The following LRRTM4 variants were observed in gnomAD, a reference collection of about 807,000 sequenced individuals.
LRRTM4 encodes the protein leucine rich repeat transmembrane neuronal 4.
Under a neutral mutation model 47.6 loss-of-function variants are expected in LRRTM4, and 25 were observed. The ratio of observed to expected loss-of-function variants is 0.53; its 90% CI spans 0.38 to 0.73. LRRTM4 has a LOEUF of 0.73. Ranked by LOEUF, LRRTM4 falls within the 30% of genes least tolerant of loss-of-function variation. The probability of loss-of-function intolerance (pLI) is 0.00; values close to 1 mark genes in which losing one functional copy is unlikely to be tolerated. For synonymous variants in LRRTM4, 311 were observed against 269.5 expected, an observed-to-expected ratio of 1.15 and a Z score of -1.51; for missense variants, 638 against 713.4, an observed-to-expected ratio of 0.89 and a Z score of 1.20.
At chr2:76,992,846 G>C (rs1469208863) in intron 3 of LRRTM4, among the ~76,000 whole-genome samples, 31 of 106,894 alleles carry the variant, frequency 2.9e-4, no homozygotes, top group African/African-American at 9.4e-4. Context: ...AAAAAGCTGG[G>C]TGTATCATAT....
chr2:76,865,000 C>T (rs369404462), intron 3 of LRRTM4, among the ~76,000 whole-genome samples: 1 of 151,270 alleles, frequency 6.6e-6, no homozygotes, highest in African/African-American at 2.4e-5. Context: ...CCTCCCAAAT[C>T]TTGATTCTTA....
intron 3 of LRRTM4, among the ~76,000 whole-genome samples, chr2:77,413,670 G>C (rs1301559990): frequency 6.6e-6 from 1 of 152,026 alleles, no homozygotes; most frequent in East Asian, 1.9e-4. Flanking sequence ...TTGATGTTAA[G>C]AAGCAAAACA....
At chr2:76,896,326 C>T (rs553317379) in intron 3 of LRRTM4, among the ~76,000 whole-genome samples, 1 of 152,024 alleles carries the variant, frequency 6.6e-6, no homozygotes, top group East Asian at 1.9e-4. Context: ...ACTGTGCAAT[C>T]AGGGCCAAAA....
intron 3 of LRRTM4, among the ~76,000 whole-genome samples, chr2:77,126,352 G>A (rs1404211660): frequency 6.6e-6 from 1 of 152,020 alleles, no homozygotes; most frequent in African/African-American, 2.4e-5. Flanking sequence ...ATATATACAG[G>A]AATTTCATGT....
At chr2:76,809,917 A>G (rs1288390678) in intron 3 of LRRTM4, among the ~76,000 whole-genome samples, 1 of 152,048 alleles carries the variant, frequency 6.6e-6, no homozygotes, top group African/African-American at 2.4e-5. Context: ...TCCTCACTTT[A>G]TACAGTTCCT....
chr2:77,304,691 T>A (rs1285708764), intron 3 of LRRTM4, among the ~76,000 whole-genome samples: 1 of 152,168 alleles, frequency 6.6e-6, no homozygotes, highest in Non-Finnish European at 1.5e-5. Flanking sequence ...AACTAGCATG[T>A]ACTAAGCAAT....
intron 3 of LRRTM4, among the ~76,000 whole-genome samples, chr2:77,028,756 C>T (rs1261775715): frequency 1.3e-5 from 2 of 151,814 alleles, no homozygotes; most frequent in African/African-American, 4.8e-5. Context: ...CATTAGCAGG[C>T]CTGGCGCGGT....
At position 77,519,269 on chromosome 2, in the gene LRRTM4, T is replaced by C. The variant is rs778147566; in HGVS notation, c.600A>G (p.Ala200=). The C allele has an allele frequency of 1.9e-5, 31 of 1,613,262 alleles. No individual in the cohort carries two copies. The Middle Eastern group carries it at 4.9e-4, about 26-fold the overall frequency. ...CCTTTAACTTCAAGAGGCCAGCAAA[T>C]GCATTTCGGGACAAGCTTCGAAGAC... ...YNRLRSLSRN[A]FAGLLKLKEL... Residue 200 remains alanine, a synonymous_variant, in exon 3 of 4, where the codon GCA becomes GCG. Transcript: ENST00000409884. The surrounding 1 kb of genome is among the most constrained non-coding windows in gnomAD (Gnocchi z 4.6).
rs1676917890 is a variant in LRRTM4 at position 77,464,709 on chromosome 2, A to T, written c.1551+53609T>A. 2.0e-5 allele frequency among the ~76,000 whole-genome samples: 3 copies of T among 152,228 alleles called. No homozygotes were observed. The South Asian group carries it at 6.2e-4, about 32-fold the overall frequency. On this transcript the variant is annotated intron_variant, in intron 3 of 3. Coordinates refer to ENST00000409884, the MANE Select transcript of LRRTM4 (RefSeq NM_001134745.3). ...TCTGATATCATGTTGGATAACTAATATTAACTATCCATTCCTTGATAGGAT... is the reference window on the plus strand; with the variant it reads ...TCTGATATCATGTTGGATAACTAATTTTAACTATCCATTCCTTGATAGGAT...
intron 3 of LRRTM4, among the ~76,000 whole-genome samples, chr2:77,257,383 T>C (rs946376939): frequency 1.3e-5 from 2 of 151,880 alleles, no homozygotes; most frequent in Admixed American, 1.3e-4. Flanking sequence ...TTATAAAAAT[T>C]GCATTTTAAT....
intron 3 of LRRTM4, among the ~76,000 whole-genome samples, chr2:77,344,214 T>A (rs1393909146): frequency 1.3e-5 from 2 of 151,802 alleles, no homozygotes; most frequent in African/African-American, 4.8e-5. Context: ...AAAATCTTAT[T>A]TCATAATAAA....
intron 3 of LRRTM4, among the ~76,000 whole-genome samples, chr2:77,477,857 G>T (rs78101458): frequency 1.5e-5 from 1 of 64,734 alleles, no homozygotes; most frequent in Non-Finnish European, 3.3e-5. Flanking sequence ...AAAAAAAAAA[G>T]AAAGAGAGAG....
At chr2:77,354,954 C>CAGAGAG (rs1553433286) in intron 3 of LRRTM4, among the ~76,000 whole-genome samples, 2 of 151,620 alleles carry the variant, frequency 1.3e-5, no homozygotes, top group African/African-American at 2.4e-5. Context: ...TTTACATATA[C>CAGAGAG]ATAAAGATAG....
chr2:77,368,169 T>TC (rs1174689691), intron 3 of LRRTM4, among the ~76,000 whole-genome samples: 1 of 151,630 alleles, frequency 6.6e-6, no homozygotes, highest in African/African-American at 2.4e-5. Context: ...TCCTCTCTCA[T>TC]CCAGGAACAG....
intron 3 of LRRTM4, among the ~76,000 whole-genome samples, chr2:77,350,594 A>G (rs927704896): frequency 1.8e-4 from 28 of 152,124 alleles, no homozygotes; most frequent in Admixed American, 1.1e-3. Flanking sequence ...AAAACCATTT[A>G]TGGAAGTGCA....
At chr2:76,955,200 G>T (rs757791010) in intron 3 of LRRTM4, among the ~76,000 whole-genome samples, 1 of 151,780 alleles carries the variant, frequency 6.6e-6, no homozygotes, top group African/African-American at 2.4e-5. Flanking sequence ...TTCTGTAATG[G>T]TGATGTATAA....
intron 3 of LRRTM4, among the ~76,000 whole-genome samples, chr2:77,422,866 A>G (rs1372942294): frequency 1.3e-5 from 2 of 152,100 alleles, no homozygotes; most frequent in South Asian, 2.1e-4. Flanking sequence ...TCTTTATTGT[A>G]TGTTTTCAAA....
chr2:76,755,239 C>T (rs767005417), intron 3 of LRRTM4, among the ~76,000 whole-genome samples: 4 of 152,132 alleles, frequency 2.6e-5, no homozygotes, highest in Non-Finnish European at 5.9e-5. Context: ...CTTCTCAGTT[C>T]TGGTCATGGG....
chr2:77,130,097 G>T (rs912868786), intron 3 of LRRTM4, among the ~76,000 whole-genome samples: 1 of 152,196 alleles, frequency 6.6e-6, no homozygotes, highest in African/African-American at 2.4e-5. Flanking sequence ...GATGTTTGAA[G>T]TGTGGCTCAG....
Sources: allele counts gnomAD v4.1 joint callset (sites outside exome capture counted in the v4.1 genomes callset), GRCh38; gene constraint gnomAD v4.1.1; non-coding constraint Gnocchi (gnomAD v3.1); transcripts MANE v1.5; gene names NCBI Gene and HGNC (gene_info 2026-07-23, HGNC 2026-07-21).